RADX: variants seen among roughly 807,000 people sequenced by gnomAD.
RADX encodes RPA-related protein RADX.
Under a neutral mutation model 61.6 loss-of-function variants are expected in RADX, and 36 were observed. The ratio of observed to expected loss-of-function variants is 0.58; its 90% CI spans 0.45 to 0.77. The LOEUF (loss-of-function observed/expected upper bound fraction) is 0.77. RADX is among the 30% of genes least tolerant of loss of function. RADX has a pLI of 0.00. For missense variants in RADX, 497 were observed against 651.1 expected, an observed-to-expected ratio of 0.76 and a Z score of 2.58; for synonymous variants, 272 against 237.9, an observed-to-expected ratio of 1.14 and a Z score of -1.32.
chrX:106,652,548 C>T (rs1473426392), intron 11 of RADX, among the ~76,000 whole-genome samples: 1 of 109,710 alleles, frequency 9.1e-6, no homozygotes, highest in Non-Finnish European at 1.9e-5. Flanking sequence ...ACTAAGAATA[C>T]AGTAACAATC....
chrX:106,652,695 G>GCACACACA (rs112557092), intron 11 of RADX, among the ~76,000 whole-genome samples: 54 of 97,008 alleles, frequency 5.6e-4, no homozygotes, highest in South Asian at 1.0e-3. Context: ...ATCATTAAAT[G>GCACACACA]CACACACACA....
chrX:106,652,914 A>G (rs1307055508), intron 11 of RADX, among the ~76,000 whole-genome samples: 2 of 104,379 alleles, frequency 1.9e-5, no homozygotes, highest in African/African-American at 6.9e-5. Flanking sequence ...TGAATTCAGG[A>G]GGCGGAGGTT....
In RADX at chrX:106,639,531, G is replaced by A; in HGVS notation, c.1578G>A (p.Glu526=). 2 of 1,173,826 alleles carry A rather than the reference G, an allele frequency of 1.7e-6. No homozygotes were observed. Among genetic ancestry groups the A allele is most frequent in the Non-Finnish European group, 2.3e-6 (2 of 878,247 alleles). ...TTTTCTTGGACTTTTTTGCAGTTGA[G>A]TCGCTCTTGACAGCTATAAGTGAAG... ...FSKYSSSIKV[E]SLLTAISEVR... is the part of the protein sequence containing the mutation. The change falls in exon 9 of 14, where the codon GAG becomes GAA. Residue 526 remains glutamate (E), a synonymous_variant. Coordinates refer to ENST00000372548, the MANE Select transcript of RADX (RefSeq NM_018015.6).
intron 10 of RADX, among the ~76,000 whole-genome samples, chrX:106,641,109 C>T (rs1927502312): frequency 9.1e-6 from 1 of 110,484 alleles, no homozygotes; most frequent in Admixed American, 9.6e-5. Context: ...ATAAGGATAC[C>T]ACTCATATTG....
At chrX:106,624,843 A>G (rs1443919441) in intron 2 of RADX, among the ~76,000 whole-genome samples, 2 of 111,701 alleles carry the variant, frequency 1.8e-5, no homozygotes, top group Non-Finnish European at 3.8e-5. Context: ...GCCCAACTGA[A>G]GTTGTCTGTC....
chrX:106,612,446 T>A lies in RADX; in HGVS notation c.366T>A (p.Ile122=). The A allele has an allele frequency of 8.3e-7, 1 of 1,211,747 alleles. No individual in the cohort carries two copies. The highest frequency in any genetic ancestry group is 1.8e-5 in the South Asian group (1 of 56,997). Reference sequence around the variant, plus strand: ...TGAACTCTCTCGTATATCAAAATATTCTTAAAGTTGGCATTCAAATGAGAA... The same window carrying A: ...TGAACTCTCTCGTATATCAAAATATACTTAAAGTTGGCATTCAAATGAGAA... ...PSLNSLVYQN[I]LKVGIQMRIS... Residue 122 remains isoleucine (I), a synonymous_variant, in exon 1 of 14, where the codon ATT becomes ATA. Transcript: ENST00000372548.
intron 1 of RADX, among the ~76,000 whole-genome samples, chrX:106,619,326 C>A (rs1603034765): frequency 9.0e-6 from 1 of 111,638 alleles, no homozygotes; most frequent in East Asian, 2.8e-4. Flanking sequence ...GCACAGTTGT[C>A]TTTGTGCATG....
At chrX:106,615,183 G>C (rs182611006) in intron 1 of RADX, among the ~76,000 whole-genome samples, 13 of 112,488 alleles carry the variant, frequency 1.2e-4, no homozygotes, top group Non-Finnish European at 1.1e-4. Context: ...TTTCAGTAAA[G>C]AGCCAAACAG....
chrX:106,662,658 G>C (rs1205692177), intron 12 of RADX, among the ~76,000 whole-genome samples: 2 of 106,304 alleles, frequency 1.9e-5, no homozygotes, highest in African/African-American at 6.9e-5. Context: ...AACCACTGAA[G>C]GGTAAAGTGT....
chrX:106,674,517 C>T (rs1928453128), intron 13 of RADX, among the ~76,000 whole-genome samples: 1 of 111,230 alleles, frequency 9.0e-6, no homozygotes, highest in South Asian at 3.8e-4. Flanking sequence ...GAAGTGGTAT[C>T]TCATTGTGGT....
At chrX:106,613,288 G>A (rs934852960) in intron 1 of RADX, among the ~76,000 whole-genome samples, 3 of 111,505 alleles carry the variant, frequency 2.7e-5, no homozygotes, top group African/African-American at 9.8e-5. Context: ...TTTATGGGAA[G>A]GCTTGACATT....
At chrX:106,630,348 A>C (rs991898921) in intron 3 of RADX, among the ~76,000 whole-genome samples, 6 of 107,395 alleles carry the variant, frequency 5.6e-5, no homozygotes, top group South Asian at 4.0e-4. Flanking sequence ...AAACAAACAA[A>C]AAAAAAAAAA....
intron 13 of RADX, among the ~76,000 whole-genome samples, chrX:106,673,711 C>T (rs1928429301): frequency 1.0e-5 from 1 of 96,259 alleles, no homozygotes. Flanking sequence ...GCCCCTGGTA[C>T]ACTGTCTCTG....
rs1337976722 is a variant in RADX, at chrX:106,628,895, G to A, written c.979+3613G>A. Among the ~76,000 whole-genome samples the A allele has an allele frequency of 4.5e-5, 5 of 111,364 alleles. No individual in the cohort carries two copies. The East Asian group carries it at 8.4e-4, about 19-fold the overall frequency. On this transcript the variant is annotated intron_variant, in intron 3 of 13. Coordinates refer to ENST00000372548, the MANE Select transcript of RADX (RefSeq NM_018015.6). ...AGTGATCCACCCGCCTTGGTCTCCC[G>A]AAGTGCTGGTAATACAGGCGTGAGC...
intron 6 of RADX, among the ~76,000 whole-genome samples, chrX:106,634,659 CAGAA>C (rs1299604037): frequency 1.8e-5 from 2 of 111,442 alleles, no homozygotes; most frequent in Non-Finnish European, 3.8e-5. Context: ...GGGGATGGAA[CAGAA>C]AGAGAGTTTC....
chrX:106,612,129 C>A lies in RADX; in HGVS notation c.49C>A (p.Leu17Ile). 8.3e-7 allele frequency: 1 copy of A among 1,211,242 alleles called. No homozygotes were observed. Among genetic ancestry groups the A allele is most frequent in the Non-Finnish European group, 1.1e-6 (1 of 895,069 alleles). The change falls in exon 1 of 14, where the codon CTA (leucine) becomes ATA (isoleucine). Residue 17 changes from leucine to isoleucine, a missense_variant. This residue lies in a region of RADX where 34 missense variants were observed against 29.1 expected (regional missense o/e 1.17). Transcript: ENST00000372548. Reference sequence around the variant, plus strand: ...TGAGGCTGGTCCCTCACATGCAGGGCTAGATTGGCCGAACCCTGAGAGGAA... The same window carrying A: ...TGAGGCTGGTCCCTCACATGCAGGGATAGATTGGCCGAACCCTGAGAGGAA... ...QPEAGPSHAGLDWPNPERNRA... is the reference protein window; with the variant it reads ...QPEAGPSHAGIDWPNPERNRA...
intron 12 of RADX, among the ~76,000 whole-genome samples, chrX:106,665,804 T>C (rs1388614848): frequency 1.8e-5 from 2 of 112,117 alleles, no homozygotes; most frequent in African/African-American, 6.5e-5. Context: ...ACTTGGTCAT[T>C]ACCTCTGACT....
intron 2 of RADX, among the ~76,000 whole-genome samples, chrX:106,623,599 A>G (rs775629931): frequency 5.4e-5 from 6 of 110,791 alleles, no homozygotes; most frequent in Non-Finnish European, 1.1e-4. Context: ...ATATATACAC[A>G]TATACAAGCA....
At chrX:106,642,973 G>A (rs950406949) in intron 10 of RADX, among the ~76,000 whole-genome samples, 4 of 110,584 alleles carry the variant, frequency 3.6e-5, no homozygotes, top group African/African-American at 1.3e-4. Flanking sequence ...ATCTATCCAC[G>A]GCTTTTTGAG....
Sources: gnomAD v4.1 joint callset for allele counts (sites outside exome capture counted in the v4.1 genomes callset) on GRCh38, gnomAD v4.1.1 for gene constraint, gnomAD v4.1.1 regional missense constraint, MANE v1.5 for transcripts, NCBI Gene and HGNC (gene_info 2026-07-23, HGNC 2026-07-21) for gene names.